PHLDB2: variants seen among roughly 807,000 people sequenced by gnomAD.
PHLDB2 encodes pleckstrin homology-like domain family B member 2.
In PHLDB2, 71 loss-of-function variants were observed where a neutral mutation model predicts 123.6. The observed-to-expected ratio is 0.57, with a 90% CI of 0.47 to 0.70. The LOEUF is 0.70. Among genes scored for constraint, PHLDB2 ranks in the 30% least tolerant of loss-of-function variants. PHLDB2 has a pLI of 0.00. For synonymous variants in PHLDB2, 547 were observed against 541.6 expected, an observed-to-expected ratio of 1.01 and a Z score of -0.14; for missense variants, 1,446 against 1,519.5, an observed-to-expected ratio of 0.95 and a Z score of 0.80.
At chr3:111,745,361 A>C (rs749333792) in intron 1 of PHLDB2, among the ~76,000 whole-genome samples, 3 of 152,244 alleles carry the variant, frequency 2.0e-5, no homozygotes, top group Non-Finnish European at 4.4e-5. Context: ...TTTGCCAGGC[A>C]CTGATTTATA....
At chr3:111,951,198 A>G (rs1018714217) in intron 10 of PHLDB2, among the ~76,000 whole-genome samples, 10 of 152,214 alleles carry the variant, frequency 6.6e-5, no homozygotes, top group African/African-American at 2.4e-4. Context: ...TTATCATCTT[A>G]GTATGGACTA....
At chr3:111,792,486 G>T (rs192702270) in intron 1 of PHLDB2, among the ~76,000 whole-genome samples, 1 of 152,054 alleles carries the variant, frequency 6.6e-6, no homozygotes, top group Non-Finnish European at 1.5e-5. Context: ...TGGAAGAATC[G>T]CTTGAGCCCA....
At chr3:111,751,285 A>G (rs2059771005) in intron 1 of PHLDB2, among the ~76,000 whole-genome samples, 2 of 152,108 alleles carry the variant, frequency 1.3e-5, no homozygotes, top group Non-Finnish European at 2.9e-5. Flanking sequence ...GCTATGGCCC[A>G]ATGCCTTTCA....
intron 2 of PHLDB2, among the ~76,000 whole-genome samples, chr3:111,899,585 T>C (rs920662958): frequency 3.9e-5 from 6 of 152,216 alleles, no homozygotes; most frequent in Non-Finnish European, 8.8e-5. Flanking sequence ...AAAATAGATT[T>C]AGCATAATTC....
intron 2 of PHLDB2, among the ~76,000 whole-genome samples, chr3:111,891,471 G>A (rs1264399159): frequency 6.6e-6 from 1 of 151,498 alleles, no homozygotes; most frequent in Admixed American, 6.6e-5. Context: ...ATCTGTCACT[G>A]TCTCCCATCA....
intron 10 of PHLDB2, among the ~76,000 whole-genome samples, chr3:111,950,781 T>C (rs561736974): frequency 6.6e-6 from 1 of 152,322 alleles, no homozygotes; most frequent in Admixed American, 6.5e-5. Flanking sequence ...GTTAAAGGAC[T>C]ATATCTCTCA....
chr3:111,798,635 G>A (rs2061257355), intron 1 of PHLDB2, among the ~76,000 whole-genome samples: 1 of 150,684 alleles, frequency 6.6e-6, no homozygotes, highest in Non-Finnish European at 1.5e-5. Context: ...CTATGATCAT[G>A]CCACTGTCCT....
At chr3:111,859,779 C>G (rs1242009855) in intron 1 of PHLDB2, 3 of 983,412 alleles carry the variant, frequency 3.1e-6, no homozygotes, top group African/African-American at 1.8e-5. Flanking sequence ...CAGGAGGGGC[C>G]GGCGGGCTCA....
At chr3:111,946,476 A>G (rs2070319737) in intron 9 of PHLDB2, among the ~76,000 whole-genome samples, 1 of 152,260 alleles carries the variant, frequency 6.6e-6, no homozygotes, top group Admixed American at 6.5e-5. Flanking sequence ...TATATGAAAC[A>G]AAATGCTCAT....
At chr3:111,784,165 A>G (rs977487713) in intron 1 of PHLDB2, among the ~76,000 whole-genome samples, 5 of 152,224 alleles carry the variant, frequency 3.3e-5, no homozygotes, top group Non-Finnish European at 5.9e-5. Flanking sequence ...AATAAATATC[A>G]GAGCCGAGAA....
chr3:111,835,488 T>A (rs2063354484), intron 1 of PHLDB2, among the ~76,000 whole-genome samples: 1 of 152,222 alleles, frequency 6.6e-6, no homozygotes, highest in Non-Finnish European at 1.5e-5. Context: ...TTATGCCATG[T>A]GACTCTGCCT....
rs960522985 is a variant in PHLDB2 at position 111,974,675 on chromosome 3, A to G, written c.*112A>G. 6 of 1,060,916 alleles carry G rather than the reference A, an allele frequency of 5.7e-6. No individual in the cohort carries two copies. The highest frequency in any genetic ancestry group is 6.4e-6 in the Non-Finnish European group (5 of 786,940). The allele number at this position is 1,060,916 out of a possible 1,614,324, so 65.7% of individuals were successfully genotyped here. On this transcript the variant is annotated 3_prime_UTR_variant, in exon 18 of 18. Transcript: ENST00000431670. ...CAACAGATCCATCCCTTGAGCTGTA[A>G]ACACTCAGAACTCCTTTCATATCAA...
chr3:111,901,171 A>C (rs888992784), intron 2 of PHLDB2, among the ~76,000 whole-genome samples: 10 of 151,858 alleles, frequency 6.6e-5, no homozygotes, highest in Non-Finnish European at 1.0e-4. Flanking sequence ...CATCCTGGCT[A>C]ACACGGTGAA....
intron 2 of PHLDB2, among the ~76,000 whole-genome samples, chr3:111,911,327 A>G: frequency 6.6e-6 from 1 of 152,314 alleles, no homozygotes; most frequent in East Asian, 1.9e-4. Flanking sequence ...CAACTTAATT[A>G]CCTAAGTGGC....
intron 2 of PHLDB2, among the ~76,000 whole-genome samples, chr3:111,891,369 T>C (rs545833703): frequency 1.5e-4 from 23 of 152,172 alleles, no homozygotes; most frequent in Admixed American, 3.9e-4. Flanking sequence ...AGTGGTGGCA[T>C]TGGATTTTCA....
chr3:111,859,136 G>T, upstream of PHLDB2: 1 of 978,572 alleles, frequency 1.0e-6, no homozygotes, highest in South Asian at 4.7e-5. Context: ...CGAACTGTCG[G>T]AAGGAGGTGC....
chr3:111,867,908 C>T (rs1359721563), intron 1 of PHLDB2, among the ~76,000 whole-genome samples: 2 of 151,476 alleles, frequency 1.3e-5, no homozygotes, highest in Non-Finnish European at 2.9e-5. Flanking sequence ...CACCATGTTG[C>T]CCAAGCTGGT....
intron 2 of PHLDB2, among the ~76,000 whole-genome samples, chr3:111,852,943 A>G (rs796248474): frequency 3.9e-5 from 6 of 152,326 alleles, no homozygotes; most frequent in African/African-American, 1.4e-4. Flanking sequence ...AATTGTTTAA[A>G]GATAAACCAG....
At chr3:111,825,917 GTAATT>G (rs1398287352) in intron 1 of PHLDB2, among the ~76,000 whole-genome samples, 2 of 152,086 alleles carry the variant, frequency 1.3e-5, no homozygotes, top group Non-Finnish European at 2.9e-5. Context: ...TTTAAGAAGT[GTAATT>G]TAAGTTTCAT....
Sources: allele counts gnomAD v4.1 joint callset (sites outside exome capture counted in the v4.1 genomes callset), GRCh38; gene constraint gnomAD v4.1.1; transcripts MANE v1.5; gene names NCBI Gene and HGNC (gene_info 2026-07-23, HGNC 2026-07-21).